Variants in LINGO2 observed in about 807,000 individuals in gnomAD.
LINGO2 encodes leucine-rich repeat and immunoglobulin-like domain-containing nogo receptor-interacting protein 2.
LINGO2 carries 14 observed loss-of-function variants against 30.6 expected under a neutral mutation model. The ratio of observed to expected loss-of-function variants is 0.46; its 90% confidence interval spans 0.30 to 0.72. The LOEUF is 0.72. Among genes scored for constraint, LINGO2 ranks in the 30% least tolerant of loss-of-function variants. The probability of loss-of-function intolerance (pLI) is 0.07; values close to 1 mark genes in which losing one functional copy is unlikely to be tolerated. For synonymous variants in LINGO2, 317 were observed against 288.5 expected (o/e 1.10, Z -1.00); for missense variants, 729 against 751.7 (o/e 0.97, Z 0.35).
chr9:28,481,585 G>A (rs151141979), intron 1 of LINGO2, among the ~76,000 whole-genome samples: 68 of 151,722 alleles, frequency 4.5e-4, no homozygotes, highest in East Asian at 3.3e-3. Context: ...AAATGCTGTC[G>A]CCCTCCTCTG....
At chr9:29,167,183 A>C in the LINGO2 span, among the ~76,000 whole-genome samples, 1 of 152,152 alleles carries the variant, frequency 6.6e-6, no homozygotes, top group Non-Finnish European at 1.5e-5. Flanking sequence ...CAAAGGAATT[A>C]TAATTTAACA....
intron 3 of LINGO2, among the ~76,000 whole-genome samples, chr9:28,322,211 T>A (rs1825068809): frequency 6.6e-6 from 1 of 152,194 alleles, no homozygotes; most frequent in African/African-American, 2.4e-5. Flanking sequence ...TCCTTACATT[T>A]CATGGATGAA....
intron 4 of LINGO2, among the ~76,000 whole-genome samples, chr9:28,054,136 G>C (rs1824807370): frequency 6.6e-6 from 1 of 152,024 alleles, no homozygotes; most frequent in Non-Finnish European, 1.5e-5. Context: ...AAAATGTTGA[G>C]ACTGAAGTTA....
At chr9:29,021,681 A>AAAGGACGGAAGG in the LINGO2 span, among the ~76,000 whole-genome samples, 1 of 93,646 alleles carries the variant, frequency 1.1e-5, no homozygotes, top group Admixed American at 1.3e-4. Flanking sequence ...GAAAGAAAAG[A>AAAGGACGGAAGG]AAGGAAGGAA....
chr9:28,817,246 AAG>A, the LINGO2 span, among the ~76,000 whole-genome samples: 4 of 152,160 alleles, frequency 2.6e-5, no homozygotes, highest in Admixed American at 6.5e-5. Context: ...ATAAAAAAAA[AAG>A]GGGGATAGGT....
At chr9:28,756,938 C>CA in the LINGO2 span, among the ~76,000 whole-genome samples, 14 of 150,598 alleles carry the variant, frequency 9.3e-5, no homozygotes, top group East Asian at 9.7e-4. Flanking sequence ...TTTCTTATCT[C>CA]AAAAAAAAGA....
chr9:28,897,214 G>C, the LINGO2 span, among the ~76,000 whole-genome samples: 1 of 152,136 alleles, frequency 6.6e-6, no homozygotes, highest in East Asian at 1.9e-4. Context: ...ATCTCCATTA[G>C]TAAATGGACA....
At chr9:28,569,155 G>A (rs1451232714) in intron 1 of LINGO2, among the ~76,000 whole-genome samples, 1 of 151,912 alleles carries the variant, frequency 6.6e-6, no homozygotes, top group East Asian at 1.9e-4. Context: ...TTATGTAAAT[G>A]TACTGAAAAA....
rs763087259 is a variant in LINGO2 at position 28,199,345 on chromosome 9, T to TTCTTCTTCTTC, written c.-87+95862_-87+95863insGAAGAAGAAGA. Among the ~76,000 whole-genome samples the TTCTTCTTCTTC allele has an allele frequency of 4.6e-5, 4 of 86,112 alleles. 1 individual carries two copies. The highest frequency in any genetic ancestry group is 1.1e-4 in the Non-Finnish European group (4 of 36,650). 56.5% of individuals were successfully genotyped at this position (86,112 alleles called of 152,430 possible). ...TATCTTCTTCTTCTTCTTCTTCTTC[T>TTCTTCTTCTTC]TTTTTTTTTTTTGAGACGGAGTCTC... On this transcript the variant is annotated intron_variant, in intron 4 of 5. Coordinates refer to ENST00000379992, the Ensembl canonical transcript of LINGO2.
the LINGO2 span, among the ~76,000 whole-genome samples, chr9:28,804,720 A>C: frequency 6.6e-6 from 1 of 152,132 alleles, no homozygotes; most frequent in Non-Finnish European, 1.5e-5. Context: ...AAGCATGCTT[A>C]AAAGTAAATC....
In LINGO2 at chr9:28,049,273, T is replaced by C. The variant is rs1031372241; in HGVS notation, c.-86-36868A>G. Among the ~76,000 whole-genome samples the C allele has an allele frequency of 7.3e-5, 11 of 150,690 alleles. 1 individual carries two copies. The highest frequency in any genetic ancestry group is 2.7e-4 in the African/African-American group (11 of 40,740). On this transcript the variant is annotated intron_variant, in intron 4 of 5. Transcript: ENST00000379992. ...TTGTATATACAAGAATAACCCAATA[T>C]ATCTCAGCCCTGTTGGTCTAGTGGA... is the stretch of plus-strand genomic sequence containing the variant.
intron 1 of LINGO2, among the ~76,000 whole-genome samples, chr9:28,566,612 C>T (rs10458322): frequency 0.021 from 3,250 of 152,178 alleles, 80 homozygotes; most frequent in Admixed American, 0.049. Flanking sequence ...TCTAAATAAG[C>T]TGACACTTTT....
the LINGO2 span, among the ~76,000 whole-genome samples, chr9:29,119,545 C>T: frequency 6.6e-6 from 1 of 150,504 alleles, no homozygotes; most frequent in Non-Finnish European, 1.5e-5. Context: ...TAATAAGTTC[C>T]CTAATTGAAT....
intron 3 of LINGO2, among the ~76,000 whole-genome samples, chr9:28,363,976 C>CA (rs144751973): frequency 0.067 from 7,980 of 118,470 alleles, 245 homozygotes; most frequent in East Asian, 0.12. Context: ...AATTAGGTTA[C>CA]AAAAAAAAAA....
chr9:29,210,080 A>T, the LINGO2 span, among the ~76,000 whole-genome samples: 2 of 152,198 alleles, frequency 1.3e-5, no homozygotes, highest in Non-Finnish European at 2.9e-5. Flanking sequence ...AAGCCAATTA[A>T]TTTGTGACAA....
At chr9:27,986,647 A>G (rs940185869) in intron 5 of LINGO2, among the ~76,000 whole-genome samples, 2 of 151,878 alleles carry the variant, frequency 1.3e-5, no homozygotes, top group African/African-American at 4.8e-5. Context: ...GAGGGAAGGT[A>G]GGTGCAAACA....
chr9:28,111,456 A>G (rs1328158208), intron 4 of LINGO2, among the ~76,000 whole-genome samples: 1 of 152,074 alleles, frequency 6.6e-6, no homozygotes, highest in Non-Finnish European at 1.5e-5. Flanking sequence ...CGTTCCTCCT[A>G]TGTGAGTTTA....
chr9:28,932,489 A>C, the LINGO2 span, among the ~76,000 whole-genome samples: 1 of 152,308 alleles, frequency 6.6e-6, no homozygotes, highest in African/African-American at 2.4e-5. Flanking sequence ...ATTCCACTTA[A>C]GACACTATGC....
intron 4 of LINGO2, among the ~76,000 whole-genome samples, chr9:28,229,841 T>C (rs1374156419): frequency 6.6e-6 from 1 of 151,852 alleles, no homozygotes; most frequent in Non-Finnish European, 1.5e-5. Flanking sequence ...TCACCTTTTA[T>C]TCATGTATCC....
Sources: gnomAD v4.1 joint callset for allele counts (sites outside exome capture counted in the v4.1 genomes callset) on GRCh38, gnomAD v4.1.1 for gene constraint, MANE v1.5 for transcripts, NCBI Gene and HGNC (gene_info 2026-07-23, HGNC 2026-07-21) for gene names.